SLC13A1: variants seen among roughly 807,000 people sequenced by gnomAD.
SLC13A1 encodes solute carrier family 13 member 1, also known as Na(+)/sulfate cotransporter.
Under a neutral mutation model 70.0 loss-of-function variants are expected in SLC13A1, and 65 were observed. The ratio of observed to expected loss-of-function variants is 0.93; its 90% CI spans 0.76 to 1.14. The LOEUF (loss-of-function observed/expected upper bound fraction) is 1.14. Among genes scored for constraint, SLC13A1 ranks in the 50% most tolerant of loss-of-function variants. The pLI is 0.00. For missense variants in SLC13A1, 726 were observed against 717.8 expected, an observed-to-expected ratio of 1.01 and a Z score of -0.13; for synonymous variants, 275 against 250.5, an observed-to-expected ratio of 1.10 and a Z score of -0.92.
intron 8 of SLC13A1, among the ~76,000 whole-genome samples, chr7:123,130,441 A>T (rs1793717540): frequency 6.6e-6 from 1 of 152,174 alleles, no homozygotes; most frequent in Admixed American, 6.6e-5. Context: ...GGAATTCATT[A>T]TCCTCAGCAA....
At chr7:123,157,039 A>G (rs560636263) in intron 6 of SLC13A1, among the ~76,000 whole-genome samples, 17 of 152,220 alleles carry the variant, frequency 1.1e-4, no homozygotes, top group Admixed American at 1.1e-3. Context: ...CTCTGACCTC[A>G]GATGGGCCTC....
rs758308922 is a variant in SLC13A1 at position 123,129,431 on chromosome 7, G to A, written c.983C>T (p.Ala328Val). Residue 328 changes from alanine (A) to valine (V), a missense_variant, in exon 9 of 15, where the codon GCT becomes GTT. Physicochemically the swap from Ala to Val is moderately conservative, Grantham distance 64. Coordinates refer to ENST00000194130, the MANE Select transcript of SLC13A1 (RefSeq NM_022444.4). ...CGKTKTVQQKACAEVIKQEYQ... is the reference protein window; with the variant it reads ...CGKTKTVQQKVCAEVIKQEYQ... ...TTCTTGCTTAATCACCTCAGCACAAGCTTTTTGTTGGACTGTTTTGGTTTT... is the reference window on the plus strand; with the variant it reads ...TTCTTGCTTAATCACCTCAGCACAAACTTTTTGTTGGACTGTTTTGGTTTT... The A allele has an allele frequency of 1.9e-5, 30 of 1,608,300 alleles. No individual in the cohort carries two copies. The highest frequency in any genetic ancestry group is 2.5e-5 in the Non-Finnish European group (29 of 1,177,818).
intron 8 of SLC13A1, among the ~76,000 whole-genome samples, chr7:123,133,425 T>C (rs181228967): frequency 2.4e-4 from 36 of 149,550 alleles, no homozygotes; most frequent in Admixed American, 1.3e-3. Context: ...AACCTTAAAA[T>C]TCCCCTTTAA....
rs113291092 is a variant in SLC13A1, at chr7:123,170,626, G to T, written c.365+1142C>A. On this transcript the variant is annotated intron_variant, in intron 3 of 14. Transcript: ENST00000194130. Reference sequence around the variant, plus strand: ...AGATGACGTCGTTTTGGTTTTTTTTGTTTGTTTGTTTGTTTGTTTTGAGAC... The same window carrying T: ...AGATGACGTCGTTTTGGTTTTTTTTTTTTGTTTGTTTGTTTGTTTTGAGAC... Among the ~76,000 whole-genome samples the T allele has an allele frequency of 9.3e-4, 137 of 147,384 alleles. 1 individual carries two copies. The highest frequency in any genetic ancestry group is 7.9e-3 in the East Asian group (40 of 5,090).
chr7:123,193,926 TCC>T (rs1465703334), intron 1 of SLC13A1, among the ~76,000 whole-genome samples: 14 of 152,082 alleles, frequency 9.2e-5, no homozygotes, highest in African/African-American at 2.7e-4. Flanking sequence ...CTATTGAAGT[TCC>T]CCTCTTTCAT....
intron 3 of SLC13A1, among the ~76,000 whole-genome samples, chr7:123,170,279 C>G (rs1033204126): frequency 6.6e-6 from 1 of 151,904 alleles, no homozygotes; most frequent in South Asian, 2.1e-4. Flanking sequence ...ATGTATACAA[C>G]AAAATAAAAG....
intron 14 of SLC13A1, among the ~76,000 whole-genome samples, chr7:123,116,131 A>G (rs941877832): frequency 2.6e-5 from 4 of 152,158 alleles, no homozygotes; most frequent in Non-Finnish European, 5.9e-5. Flanking sequence ...TATTCACTCA[A>G]CGTAATTGTT....
rs1585275357 is a variant in SLC13A1 at position 123,115,355 on chromosome 7, G to C, written c.*163C>G. 1 of 591,916 alleles carries C rather than the reference G, an allele frequency of 1.7e-6. No homozygotes were observed. The highest frequency in any genetic ancestry group is 2.8e-6 in the Non-Finnish European group (1 of 352,196). The allele number at this position is 591,916 out of a possible 1,614,324, so 36.7% of individuals were successfully genotyped here. A position where few individuals can be genotyped will look rare whatever the true frequency, so the allele number is the denominator to read the frequency against. On this transcript the variant is annotated 3_prime_UTR_variant, in exon 15 of 15. Coordinates refer to ENST00000194130, the MANE Select transcript of SLC13A1 (RefSeq NM_022444.4). ...TAGTTGCACTGCAATAACAAATATG[G>C]ACTCTGAGTTATAACAGCAGGTTTC... is the stretch of plus-strand genomic sequence containing the variant.
Position 123,125,646 on chromosome 7 carries a change from A to G in SLC13A1, c.1163T>C (p.Val388Ala), listed in dbSNP as rs2116291710. The G allele has an allele frequency of 6.2e-7, 1 of 1,613,366 alleles. No individual in the cohort carries two copies. The highest frequency in any genetic ancestry group is 8.5e-7 in the Non-Finnish European group (1 of 1,179,606). ...EYPGFATDSTVALLIGLLFFL... is the reference protein window; with the variant it reads ...EYPGFATDSTAALLIGLLFFL... ...GAATAGCAGCCCTATAAGTAAAGCA[A>G]CAGTTGAATCTGTAGCAAAACCAGG... Residue 388 changes from valine to alanine, a missense_variant, in exon 11 of 15, where the codon GTT becomes GCT. Physicochemically the swap from Val to Ala is moderately conservative, Grantham distance 64 (BLOSUM62 0). Transcript: ENST00000194130.
At chr7:123,192,193 T>C (rs1796017839) in intron 1 of SLC13A1, among the ~76,000 whole-genome samples, 1 of 152,146 alleles carries the variant, frequency 6.6e-6, no homozygotes, top group Non-Finnish European at 1.5e-5. Context: ...CATAGGTGAA[T>C]TCCTCCATCA....
At chr7:123,155,195 A>G (rs1794671840) in intron 6 of SLC13A1, among the ~76,000 whole-genome samples, 1 of 151,990 alleles carries the variant, frequency 6.6e-6, no homozygotes, top group Non-Finnish European at 1.5e-5. Context: ...CTTCCATTGT[A>G]GAAACTTTCT....
intron 10 of SLC13A1, among the ~76,000 whole-genome samples, chr7:123,126,192 C>A (rs1326352583): frequency 6.6e-6 from 1 of 152,176 alleles, no homozygotes; most frequent in Non-Finnish European, 1.5e-5. Context: ...GATATCACAC[C>A]TGCTTCTGTG....
intron 1 of SLC13A1, among the ~76,000 whole-genome samples, chr7:123,195,279 A>G (rs1217601583): frequency 6.6e-6 from 1 of 151,994 alleles, no homozygotes; most frequent in Non-Finnish European, 1.5e-5. Context: ...CAAAATATTC[A>G]CTTACTTGGA....
At chr7:123,122,330 G>A (rs1793408974) in intron 12 of SLC13A1, among the ~76,000 whole-genome samples, 1 of 152,146 alleles carries the variant, frequency 6.6e-6, no homozygotes, top group Admixed American at 6.5e-5. Context: ...TGATGACTGA[G>A]TAAGGAAATG....
intron 6 of SLC13A1, among the ~76,000 whole-genome samples, chr7:123,147,636 C>A (rs1002805465): frequency 6.6e-6 from 1 of 152,026 alleles, no homozygotes; most frequent in African/African-American, 2.4e-5. Flanking sequence ...ACTGACCCTG[C>A]CAGACCCTGA....
intron 12 of SLC13A1, among the ~76,000 whole-genome samples, chr7:123,122,328 G>T (rs562168927): frequency 8.5e-4 from 130 of 152,286 alleles, no homozygotes; most frequent in Non-Finnish European, 8.1e-4. Context: ...TTTGATGACT[G>T]AGTAAGGAAA....
chr7:123,193,424 C>T (rs1349713429), intron 1 of SLC13A1, among the ~76,000 whole-genome samples: 1 of 152,144 alleles, frequency 6.6e-6, no homozygotes, highest in Non-Finnish European at 1.5e-5. Context: ...GTTCCAAAAT[C>T]TCAGCAGTCT....
At chr7:123,187,750 T>C (rs1253786949) in intron 1 of SLC13A1, among the ~76,000 whole-genome samples, 2 of 152,242 alleles carry the variant, frequency 1.3e-5, no homozygotes, top group Non-Finnish European at 2.9e-5. Flanking sequence ...TACATGTAGA[T>C]TTATTGTTAC....
At chr7:123,149,759 T>C (rs1794490915) in intron 6 of SLC13A1, 1 of 396,822 alleles carries the variant, frequency 2.5e-6, no homozygotes, top group Non-Finnish European at 5.0e-6. Flanking sequence ...AACTTTGCTG[T>C]TGAATTAATT....
Sources: gnomAD v4.1 joint callset for allele counts (sites outside exome capture counted in the v4.1 genomes callset) on GRCh38, gnomAD v4.1.1 for gene constraint, MANE v1.5 for transcripts, NCBI Gene and HGNC (gene_info 2026-07-23, HGNC 2026-07-21) for gene names.